RNPEP: variants seen among roughly 807,000 people sequenced by gnomAD.
The protein encoded by RNPEP is aminopeptidase B.
RNPEP carries 57 observed loss-of-function variants against 70.1 expected under a neutral mutation model. The ratio of observed to expected loss-of-function variants is 0.81; its 90% CI spans 0.66 to 1.01. The LOEUF is 1.01. RNPEP is among the 50% of genes least tolerant of loss of function. The probability of loss-of-function intolerance (pLI) is 0.00; values close to 1 mark genes in which losing one functional copy is unlikely to be tolerated. For missense variants in RNPEP, 787 were observed against 852.4 expected, an observed-to-expected ratio of 0.92 and a Z score of 0.96; for synonymous variants, 335 against 357.4, an observed-to-expected ratio of 0.94 and a Z score of 0.71.
At chr1:202,004,524 GA>G in intron 10 of RNPEP, 28 bp downstream of exon 10, 2 of 1,610,002 alleles carry the variant, frequency 1.2e-6, no homozygotes, top group South Asian at 2.2e-5. Context: ...CGCTGTTCCC[GA>G]AAGCACACTG....
chr1:201,984,956 G>A (rs1335523797), intron 1 of RNPEP, among the ~76,000 whole-genome samples: 2 of 150,400 alleles, frequency 1.3e-5, no homozygotes, highest in Non-Finnish European at 2.9e-5. Context: ...ACTTTGGGAG[G>A]CCAGGGCTGG....
chr1:201,992,067 T>C (rs1013644192), intron 3 of RNPEP, among the ~76,000 whole-genome samples: 1 of 141,702 alleles, frequency 7.1e-6, no homozygotes, highest in Non-Finnish European at 1.5e-5. Context: ...TGCCTCGCTC[T>C]CTTGCCCAGG....
At position 202,003,235 on chromosome 1, in the gene RNPEP, A is replaced by G; in HGVS notation, c.1427-2A>G. The stretch of plus-strand genomic sequence containing the variant: ...GATAGTGTCTTCTCTCCTCCCAAAC[A>G]GGTTTTGAGTTTGATCGATGGCTGA... On this transcript the variant is annotated splice_acceptor_variant, in intron 8 of 10. Transcript: ENST00000295640. LOFTEE classifies it high-confidence loss of function. 1 of 1,606,578 alleles carries G rather than the reference A, an allele frequency of 6.2e-7. No homozygotes were observed. Among genetic ancestry groups the G allele is most frequent in the African/African-American group, 1.3e-5 (1 of 74,842 alleles).
At chr1:201,986,272 T>G (rs958107345) in intron 1 of RNPEP, among the ~76,000 whole-genome samples, 1 of 151,700 alleles carries the variant, frequency 6.6e-6, no homozygotes, top group Admixed American at 6.6e-5. Context: ...TTTTTATTTT[T>G]TCTGTAGAGA....
intron 1 of RNPEP, among the ~76,000 whole-genome samples, chr1:201,984,980 G>A (rs980348756): frequency 1.3e-5 from 2 of 151,320 alleles, no homozygotes; most frequent in Admixed American, 6.6e-5. Flanking sequence ...ATCACCTGAG[G>A]TCAGGAGTTT....
intron 3 of RNPEP, among the ~76,000 whole-genome samples, chr1:201,993,762 G>C (rs949941686): frequency 6.6e-5 from 10 of 152,284 alleles, no homozygotes; most frequent in African/African-American, 2.4e-4. Context: ...CTGGGCAACA[G>C]AGCAAGACTC....
intron 1 of RNPEP, 28 bp downstream of exon 1, chr1:201,983,141 GCTGC>G: frequency 7.0e-7 from 1 of 1,435,898 alleles, no homozygotes; most frequent in Non-Finnish European, 9.0e-7. Flanking sequence ...TGCGCCCGCC[GCTGC>G]CTGCCTGCCC....
At chr1:202,002,570 C>A (rs980712458) in intron 8 of RNPEP, among the ~76,000 whole-genome samples, 1 of 152,172 alleles carries the variant, frequency 6.6e-6, no homozygotes, top group Non-Finnish European at 1.5e-5. Flanking sequence ...TGACCTGAAC[C>A]TTGAGTCACT....
rs1052128019 is a variant in RNPEP at position 202,001,726 on chromosome 1, A to G, written c.1385A>G (p.Tyr462Cys). 1.2e-6 allele frequency: 2 copies of G among 1,612,796 alleles called. No homozygotes were observed. The highest frequency in any genetic ancestry group is 2.7e-5 in the African/African-American group (2 of 74,858). The change falls in exon 8 of 11, where the codon TAT (tyrosine) becomes TGT (cysteine). Residue 462 changes from tyrosine (Y) to cysteine (C), a missense_variant. Physicochemically the swap from Tyr to Cys is radical, Grantham distance 194. Coordinates refer to ENST00000295640, the MANE Select transcript of RNPEP (RefSeq NM_020216.4). ...GACTTTCTGGACTTCTACTTGGAAT[A>G]TTTCCCTGAGCTTAAGAAAAAGAGA... Reference protein sequence around the residue: ...ADDFLDFYLEYFPELKKKRVD... With the variant: ...ADDFLDFYLECFPELKKKRVD...
At chr1:201,984,090 C>G (rs1337347398) in intron 1 of RNPEP, among the ~76,000 whole-genome samples, 1 of 152,182 alleles carries the variant, frequency 6.6e-6, no homozygotes, top group Non-Finnish European at 1.5e-5. Context: ...GCCACCACAC[C>G]CGGCTAATTT....
At chr1:201,992,525 C>G (rs1018297194) in intron 3 of RNPEP, among the ~76,000 whole-genome samples, 1 of 152,062 alleles carries the variant, frequency 6.6e-6, no homozygotes, top group African/African-American at 2.4e-5. Context: ...CTCTGACGGC[C>G]TCTCTCCCAC....
Position 201,982,808 on chromosome 1 carries a change from G to C in RNPEP, c.142G>C (p.Gly48Arg). Residue 48 changes from glycine (G) to arginine (R), a missense_variant, in exon 1 of 11, where the codon GGG becomes CGG. Transcript: ENST00000295640. Reference protein sequence around the residue: ...HLHLDLRAEFGPPGPGAGSRG... With the variant: ...HLHLDLRAEFRPPGPGAGSRG... ...GCACCTGGACCTGCGGGCTGAGTTC[G>C]GGCCTCCAGGGCCCGGCGCAGGGAG... The C allele has an allele frequency of 7.5e-7, 1 of 1,333,586 alleles. No homozygotes were observed. The highest frequency in any genetic ancestry group is 1.5e-5 in the African/African-American group (1 of 64,784). 82.6% of individuals were successfully genotyped at this position (1,333,586 alleles called of 1,614,324 possible).
At chr1:201,991,703 A>G (rs1683341036) in intron 3 of RNPEP, among the ~76,000 whole-genome samples, 1 of 152,200 alleles carries the variant, frequency 6.6e-6, no homozygotes. Context: ...TCTTTGCAAT[A>G]TACTACAGGT....
At chr1:201,987,912 G>A (rs1448216609) in intron 1 of RNPEP, among the ~76,000 whole-genome samples, 6 of 151,396 alleles carry the variant, frequency 4.0e-5, no homozygotes, top group African/African-American at 1.2e-4. Context: ...AAGCTGAGGC[G>A]GGCAGATCAC....
intron 3 of RNPEP, among the ~76,000 whole-genome samples, chr1:201,991,260 G>A (rs1417095016): frequency 2.0e-5 from 3 of 152,138 alleles, no homozygotes; most frequent in Admixed American, 1.3e-4. Flanking sequence ...GACTACAGGT[G>A]TGTGCCACCA....
intron 3 of RNPEP, among the ~76,000 whole-genome samples, chr1:201,993,109 C>T (rs575003188): frequency 6.6e-6 from 1 of 152,290 alleles, no homozygotes; most frequent in East Asian, 1.9e-4. Context: ...TTCCTGTCCT[C>T]CACTTAAAAA....
chr1:201,997,783 G>C lies in RNPEP; in HGVS notation c.1090+229G>C, dbSNP rs1458571172. ...GGTCATTAGTTTTTTTTTTTTTTGA[G>C]ACAGAGTTTTGCTCTTGTTGCCCAG... is the stretch of plus-strand genomic sequence containing the variant. On this transcript the variant is annotated intron_variant, in intron 5 of 10. Coordinates refer to ENST00000295640, the MANE Select transcript of RNPEP (RefSeq NM_020216.4). 9.8e-4 allele frequency among the ~76,000 whole-genome samples: 51 copies of C among 51,974 alleles called. 1 individual carries two copies. In the South Asian group the frequency reaches 0.021, roughly 22 times the overall value. The allele number at this position is 51,974 out of a possible 152,430, so 34.1% of individuals were successfully genotyped here.
At chr1:202,003,164 TG>T (rs1254069421) in intron 8 of RNPEP, 72 bp from the exon 9 acceptor site, 2 of 1,060,562 alleles carry the variant, frequency 1.9e-6, no homozygotes, top group Admixed American at 4.6e-5. Flanking sequence ...TTGAGGTCTC[TG>T]GGAGTTGCTT....
intron 4 of RNPEP, among the ~76,000 whole-genome samples, chr1:201,997,072 T>A (rs567699969): frequency 8.5e-5 from 13 of 152,096 alleles, no homozygotes; most frequent in African/African-American, 2.9e-4. Context: ...GGGAAACAAA[T>A]GCCTGGAGAG....
Sources: allele counts gnomAD v4.1 joint callset (sites outside exome capture counted in the v4.1 genomes callset), GRCh38; gene constraint gnomAD v4.1.1; transcripts MANE v1.5; gene names NCBI Gene and HGNC (gene_info 2026-07-23, HGNC 2026-07-21).